AKAP10: variants seen among roughly 807,000 people sequenced by gnomAD.
AKAP10 encodes the protein A-kinase anchor protein 10, mitochondrial.
AKAP10 carries 24 observed loss-of-function variants against 80.8 expected under a neutral mutation model. The ratio of observed to expected loss-of-function variants is 0.30; its 90% CI spans 0.22 to 0.42. AKAP10 has a LOEUF of 0.42. AKAP10 is among the 10% of genes least tolerant of loss of function. AKAP10 has a pLI of 1.00. For synonymous variants in AKAP10, 291 were observed against 277.7 expected (o/e 1.05, Z -0.48); for missense variants, 661 against 794.9 (o/e 0.83, Z 2.03).
At chr17:19,960,101 G>GA (rs1182402899) in intron 3 of AKAP10, among the ~76,000 whole-genome samples, 1 of 152,098 alleles carries the variant, frequency 6.6e-6, no homozygotes, top group Non-Finnish European at 1.5e-5. Context: ...ATAATACCTA[G>GA]AGATCCCTTG....
Position 19,958,333 on chromosome 17 carries a change from G to A in AKAP10, c.558C>T (p.Val186=). The A allele has an allele frequency of 6.2e-7, 1 of 1,614,222 alleles. No individual in the cohort carries two copies. Among genetic ancestry groups the A allele is most frequent in the Non-Finnish European group, 8.5e-7 (1 of 1,180,036 alleles). Residue 186 remains valine (V), a synonymous_variant, in exon 4 of 15, where the codon GTC becomes GTT. Coordinates refer to ENST00000225737, the MANE Select transcript of AKAP10 (RefSeq NM_007202.4). ...TVKQSSLAEP[V]SPSKKHETTA... ...TAGTTTCATGCTTTTTAGATGGAGAGACAGGCTCAGCCAGTGAGCTCTGCT... is the reference window on the plus strand; with the variant it reads ...TAGTTTCATGCTTTTTAGATGGAGAAACAGGCTCAGCCAGTGAGCTCTGCT...
chr17:19,936,409 T>C lies in AKAP10; in HGVS notation c.1344A>G (p.Thr448=), dbSNP rs2042993020. Residue 448 remains threonine, a synonymous_variant, in exon 9 of 15, where the codon ACA becomes ACG. Coordinates refer to ENST00000225737, the MANE Select transcript of AKAP10 (RefSeq NM_007202.4). Reference sequence around the variant, plus strand: ...CAACATCATCAAATCCAAGAGGATGTGTGGCTTGGAGGGAGAAGTACCTAT... The same window carrying C: ...CAACATCATCAAATCCAAGAGGATGCGTGGCTTGGAGGGAGAAGTACCTAT... The part of the protein sequence containing the change: ...LYDKYFSLQA[T]HPLGFDDVVR... 1.9e-6 allele frequency: 3 copies of C among 1,612,424 alleles called. No homozygotes were observed. The highest frequency in any genetic ancestry group is 1.7e-6 in the Non-Finnish European group (2 of 1,178,718).
At chr17:19,951,388 G>C (rs2043211912) in intron 4 of AKAP10, among the ~76,000 whole-genome samples, 1 of 152,260 alleles carries the variant, frequency 6.6e-6, no homozygotes, top group African/African-American at 2.4e-5. Context: ...CACCCCGTCT[G>C]GGAGGTGTAC....
chr17:19,920,964 T>C (rs538972322), intron 11 of AKAP10, among the ~76,000 whole-genome samples: 1 of 151,328 alleles, frequency 6.6e-6, no homozygotes, highest in Non-Finnish European at 1.5e-5. Context: ...AGAATCTTTT[T>C]TTTTTTTTGA....
chr17:19,909,856 T>A, intron 13 of AKAP10, 70 bp downstream of exon 13: 1 of 1,479,500 alleles, frequency 6.8e-7, no homozygotes, highest in Non-Finnish European at 9.3e-7. Flanking sequence ...AAAAGGAAAA[T>A]TTTAAACCTC....
intron 4 of AKAP10, 79 bp from the exon 5 acceptor site, chr17:19,947,584 G>T: frequency 1.1e-6 from 1 of 951,518 alleles, no homozygotes; most frequent in Admixed American, 1.9e-5. Flanking sequence ...GAATAGCAGG[G>T]CTTAGATCAC....
Position 19,958,094 on chromosome 17 carries a change from T to C in AKAP10, c.797A>G (p.Glu266Gly). 6.2e-7 allele frequency: 1 copy of C among 1,614,150 alleles called. No homozygotes were observed. Among genetic ancestry groups the C allele is most frequent in the South Asian group, 1.1e-5 (1 of 91,078 alleles). Residue 266 changes from glutamate (E) to glycine (G), a missense_variant, in exon 4 of 15, where the codon GAA becomes GGA. Transcript: ENST00000225737. ...GGCTACTGTAAGTGTAGAGGAAGAT[T>C]CTTGGGTTTCCATGGAAACTTGGTG... ...GTHQVSMETQ[E>G]SSSTLTVASR... is the part of the protein sequence containing the mutation.
At position 19,963,011 on chromosome 17, in the gene AKAP10, C is replaced by G; in HGVS notation, c.148G>C (p.Val50Leu). 1 of 1,607,142 alleles carries G rather than the reference C, an allele frequency of 6.2e-7. No homozygotes were observed. The highest frequency in any genetic ancestry group is 2.2e-5 in the East Asian group (1 of 44,734). ...DVKSIKASISVHSPQKSTKNH... is the reference protein window; with the variant it reads ...DVKSIKASISLHSPQKSTKNH... Reference sequence around the variant, plus strand: ...TTAGTGCTTTTTTGTGGGGAATGTACGGATATTGAAGCTATAATTTTTCAA... The same window carrying G: ...TTAGTGCTTTTTTGTGGGGAATGTAGGGATATTGAAGCTATAATTTTTCAA... Residue 50 changes from valine to leucine, a missense_variant, in exon 3 of 15, where the codon GTA becomes CTA. By Grantham distance (32) the Val-to-Leu change is conservative. Transcript: ENST00000225737.
chr17:19,931,076 T>C (rs1038780477), intron 10 of AKAP10, among the ~76,000 whole-genome samples: 4 of 151,796 alleles, frequency 2.6e-5, no homozygotes, highest in Non-Finnish European at 4.4e-5. Flanking sequence ...CAGGAGGCTG[T>C]GGTGGGTGGA....
In AKAP10 at chr17:19,958,048, A is replaced by C; in HGVS notation, c.843T>G (p.Ser281=). The C allele has an allele frequency of 6.2e-7, 1 of 1,612,996 alleles. No homozygotes were observed. Among genetic ancestry groups the C allele is most frequent in the Non-Finnish European group, 8.5e-7 (1 of 1,179,542 alleles). The change falls in exon 4 of 15, where the codon TCT becomes TCG. Residue 281 remains serine (S), a synonymous_variant. Transcript: ENST00000225737. The stretch of plus-strand genomic sequence containing the variant: ...GTTTTCCTGACAATTCTTTTAGTGG[A>C]GAAGCGGGACTATTTCTACTGGCTA... The part of the protein sequence containing the change: ...LTVASRNSPA[S]PLKELSGKLM...
intron 1 of AKAP10, among the ~76,000 whole-genome samples, chr17:19,975,265 T>C (rs1288210708): frequency 1.3e-5 from 2 of 152,202 alleles, no homozygotes; most frequent in Non-Finnish European, 2.9e-5. Context: ...GCTATATTCC[T>C]GCCTCGGCCT....
intron 4 of AKAP10, among the ~76,000 whole-genome samples, chr17:19,951,067 G>T (rs1321507402): frequency 6.8e-6 from 1 of 147,072 alleles, no homozygotes; most frequent in Non-Finnish European, 1.5e-5. Context: ...GAGCCCCTCC[G>T]CCCGGCAGCC....
intron 4 of AKAP10, among the ~76,000 whole-genome samples, chr17:19,949,504 G>C (rs982098202): frequency 1.3e-5 from 2 of 152,146 alleles, no homozygotes; most frequent in African/African-American, 4.8e-5. Flanking sequence ...GGGCGCGGTG[G>C]CTCACGCCTG....
Position 19,911,566 on chromosome 17 carries a change from C to T in AKAP10, c.1835-1588G>A, listed in dbSNP as rs575698978. Reference sequence around the variant, plus strand: ...TGTTTAGAAATCTCTGGGCTGGGCGCGGTGGCTCACGCCTGTAATTTCAGA... The same window carrying T: ...TGTTTAGAAATCTCTGGGCTGGGCGTGGTGGCTCACGCCTGTAATTTCAGA... On this transcript the variant is annotated intron_variant, in intron 12 of 14. Transcript: ENST00000225737. Among the ~76,000 whole-genome samples, 5 of 152,020 alleles carry T rather than the reference C, an allele frequency of 3.3e-5. No individual in the cohort carries two copies. In the East Asian group the frequency reaches 9.7e-4, roughly 29 times the overall value.
chr17:19,975,323 G>A (rs981624184), intron 1 of AKAP10, among the ~76,000 whole-genome samples: 3 of 152,074 alleles, frequency 2.0e-5, no homozygotes, highest in Non-Finnish European at 2.9e-5. Flanking sequence ...TTGGCATCTC[G>A]GCATTAGGAA....
chr17:19,956,723 C>T (rs1446664693), intron 4 of AKAP10, among the ~76,000 whole-genome samples: 1 of 151,944 alleles, frequency 6.6e-6, no homozygotes, highest in Non-Finnish European at 1.5e-5. Context: ...AATAACATGC[C>T]GTCAGGTGTG....
At chr17:19,920,753 G>A (rs1389808574) in intron 11 of AKAP10, among the ~76,000 whole-genome samples, 2 of 144,834 alleles carry the variant, frequency 1.4e-5, no homozygotes, top group Admixed American at 7.2e-5. Context: ...TAAGGCAGGA[G>A]AATTGCTTGA....
At position 19,939,749 on chromosome 17, in the gene AKAP10, T is replaced by C; in HGVS notation, c.1286A>G (p.Gln429Arg). The stretch of plus-strand genomic sequence containing the variant: ...AATCATGGCATCATTCTGTGCCTCC[T>C]GTCCATCATATTGGCCCTTTTTGGC... Reference protein sequence around the residue: ...LAAKKGQYDGQEAQNDAMILY... With the variant: ...LAAKKGQYDGREAQNDAMILY... The change falls in exon 8 of 15, where the codon CAG becomes CGG. Residue 429 changes from glutamine to arginine, a missense_variant. Physicochemically the swap from Gln to Arg is conservative, Grantham distance 43. Transcript: ENST00000225737. The C allele has an allele frequency of 6.2e-7, 1 of 1,614,040 alleles. No homozygotes were observed. Among genetic ancestry groups the C allele is most frequent in the Non-Finnish European group, 8.5e-7 (1 of 1,180,008 alleles).
chr17:19,914,628 C>CAAAAAAAAAAAAAAAAAAAAAAA (rs36071856), intron 12 of AKAP10, among the ~76,000 whole-genome samples: 2 of 58,514 alleles, frequency 3.4e-5, no homozygotes, highest in East Asian at 1.4e-3. Flanking sequence ...GACCCTATCT[C>CAAAAAAAAAAAAAAAAAAAAAAA]AAAAAAAAAA....
Sources: gnomAD v4.1 joint callset for allele counts (sites outside exome capture counted in the v4.1 genomes callset) on GRCh38, gnomAD v4.1.1 for gene constraint, MANE v1.5 for transcripts, NCBI Gene and HGNC (gene_info 2026-07-23, HGNC 2026-07-21) for gene names.